CDH12: variants seen among roughly 807,000 people sequenced by gnomAD.
CDH12 encodes cadherin-12.
Under a neutral mutation model 74.1 loss-of-function variants are expected in CDH12, and 41 were observed. That is an observed-to-expected ratio of 0.55 (90% confidence interval 0.43 to 0.72). CDH12 has a LOEUF of 0.72. CDH12 is among the 30% of genes least tolerant of loss of function. The pLI is 0.00. For missense variants in CDH12, 945 were observed against 977.2 expected (o/e 0.97, Z 0.44); for synonymous variants, 399 against 355.0 (o/e 1.12, Z -1.39).
At chr5:21,845,138 A>G (rs889553986) in intron 7 of CDH12, among the ~76,000 whole-genome samples, 1 of 152,170 alleles carries the variant, frequency 6.6e-6, no homozygotes, top group Non-Finnish European at 1.5e-5. Flanking sequence ...TATAGGTGAC[A>G]GAAGGAATGT....
At chr5:22,708,445 T>C (rs961657521) in intron 1 of CDH12, among the ~76,000 whole-genome samples, 4 of 151,654 alleles carry the variant, frequency 2.6e-5, no homozygotes, top group African/African-American at 9.7e-5. Context: ...GGTCAGAGAG[T>C]TTGTCTTGCA....
At chr5:22,097,142 C>T (rs778791836) in intron 4 of CDH12, among the ~76,000 whole-genome samples, 1 of 152,170 alleles carries the variant, frequency 6.6e-6, no homozygotes, top group Non-Finnish European at 1.5e-5. Context: ...GGCCACCAGG[C>T]CAAAGAATGC....
chr5:22,841,588 C>G (rs531589510), intron 1 of CDH12, among the ~76,000 whole-genome samples: 1 of 151,870 alleles, frequency 6.6e-6, no homozygotes, highest in African/African-American at 2.4e-5. Flanking sequence ...TCTCTAAGGG[C>G]GTGGGTGTAG....
At position 22,218,234 on chromosome 5, in the gene CDH12, C is replaced by T. The variant is rs552009147; in HGVS notation, c.-332-5591G>A. ...TGCCTATCGTGTGATGCAGCCATCT[C>T]GCTCTGAAGTATTCACTCCAAAGAA... On this transcript the variant is annotated intron_variant, in intron 3 of 14. Coordinates refer to ENST00000382254, the MANE Select transcript of CDH12 (RefSeq NM_004061.5). 1.8e-4 allele frequency among the ~76,000 whole-genome samples: 27 copies of T among 151,710 alleles called. No individual in the cohort carries two copies. In the South Asian group the frequency reaches 4.6e-3, roughly 26 times the overall value.
intron 2 of CDH12, among the ~76,000 whole-genome samples, chr5:22,414,958 C>T (rs1392893004): frequency 6.6e-6 from 1 of 151,974 alleles, no homozygotes; most frequent in Non-Finnish European, 1.5e-5. Flanking sequence ...ACAAATATAT[C>T]CCTTTAGTAG....
intron 1 of CDH12, among the ~76,000 whole-genome samples, chr5:22,721,154 C>G (rs1017066772): frequency 2.6e-5 from 4 of 152,218 alleles, no homozygotes; most frequent in African/African-American, 9.6e-5. Context: ...ATGAGCCCGG[C>G]CCAGGGCCCC....
At chr5:22,125,342 T>C (rs1745789681) in intron 4 of CDH12, among the ~76,000 whole-genome samples, 1 of 152,160 alleles carries the variant, frequency 6.6e-6, no homozygotes, top group Non-Finnish European at 1.5e-5. Flanking sequence ...CTCCCACTTA[T>C]GAGTGAGAAC....
At chr5:22,756,235 T>C (rs1745903021) in intron 1 of CDH12, among the ~76,000 whole-genome samples, 1 of 151,932 alleles carries the variant, frequency 6.6e-6, no homozygotes, top group Admixed American at 6.6e-5. Flanking sequence ...AAACAAATAA[T>C]GAGTTACAAA....
intron 3 of CDH12, among the ~76,000 whole-genome samples, chr5:22,402,930 T>C (rs1010176531): frequency 2.0e-5 from 3 of 152,118 alleles, no homozygotes; most frequent in African/African-American, 7.2e-5. Flanking sequence ...CATTGGCAGC[T>C]TGGATTGAAA....
At chr5:22,038,931 T>C (rs757353232) in intron 5 of CDH12, among the ~76,000 whole-genome samples, 1 of 152,148 alleles carries the variant, frequency 6.6e-6, no homozygotes, top group African/African-American at 2.4e-5. Flanking sequence ...GGAGCTGCAC[T>C]GGCTTCCTAG....
intron 1 of CDH12, among the ~76,000 whole-genome samples, chr5:22,672,141 A>T (rs1194839729): frequency 7.5e-6 from 1 of 132,828 alleles, no homozygotes; most frequent in Non-Finnish European, 1.6e-5. Flanking sequence ...ATATAAATAT[A>T]TATTTATTAT....
Position 22,538,689 on chromosome 5 carries a change from T to C in CDH12, c.-522-33325A>G, listed in dbSNP as rs1241624183. ...AAATACCAGTATTTTTTATTTTTAA[T>C]ATTTTAATTCAACTTCAGACTGATT... On this transcript the variant is annotated intron_variant, in intron 1 of 14. Coordinates refer to ENST00000382254, the MANE Select transcript of CDH12 (RefSeq NM_004061.5). Among the ~76,000 whole-genome samples the C allele has an allele frequency of 3.3e-5, 5 of 152,348 alleles. No individual in the cohort carries two copies. The South Asian group carries it at 6.2e-4, about 19-fold the overall frequency.
intron 3 of CDH12, among the ~76,000 whole-genome samples, chr5:22,308,853 CAGAGAGAGAGAGAGAGGAGAGAG>C (rs1738245393): frequency 1.5e-5 from 2 of 135,842 alleles, no homozygotes; most frequent in East Asian, 2.1e-4. Context: ...CACATACACA[CAGAGAGAGAGAGAGAGGAGAGAG>C]AGAGAGAAAG....
intron 1 of CDH12, among the ~76,000 whole-genome samples, chr5:22,666,216 A>G (rs1740605328): frequency 6.6e-6 from 1 of 151,266 alleles, no homozygotes; most frequent in Non-Finnish European, 1.5e-5. Flanking sequence ...ACCTATGTCT[A>G]ATCTATTCTC....
At position 21,845,820 on chromosome 5, in the gene CDH12, TAGTAAG is replaced by T. The variant is rs146888307; in HGVS notation, c.647-3498_647-3493del. On this transcript the variant is annotated intron_variant, in intron 7 of 14. Transcript: ENST00000382254. ...GATAGAAAGAAATTACTTAGGCAGA[TAGTAAG>T]AGTAAAAGAGTCCTTGGTAAAATTT... Among the ~76,000 whole-genome samples the T allele has an allele frequency of 6.7e-3, 1,021 of 152,196 alleles. 10 individuals are homozygous for T. The highest frequency in any genetic ancestry group is 0.023 in the African/African-American group (963 of 41,540).
intron 5 of CDH12, among the ~76,000 whole-genome samples, chr5:22,043,465 T>C (rs1372862483): frequency 6.6e-6 from 1 of 152,052 alleles, no homozygotes; most frequent in Non-Finnish European, 1.5e-5. Flanking sequence ...CAAAAACATA[T>C]ATGACAAACC....
At chr5:22,204,223 C>T (rs1165990424) in intron 4 of CDH12, among the ~76,000 whole-genome samples, 1 of 148,426 alleles carries the variant, frequency 6.7e-6, no homozygotes, top group South Asian at 2.1e-4. Flanking sequence ...CCCAGGCTGG[C>T]GTGCAGTGGT....
At chr5:22,718,696 G>C (rs1743715937) in intron 1 of CDH12, among the ~76,000 whole-genome samples, 1 of 152,114 alleles carries the variant, frequency 6.6e-6, no homozygotes, top group South Asian at 2.1e-4. Context: ...GTATTGGTCT[G>C]AATCTCCAGG....
chr5:22,616,860 C>A (rs1737715364), intron 1 of CDH12, among the ~76,000 whole-genome samples: 2 of 151,736 alleles, frequency 1.3e-5, no homozygotes, highest in African/African-American at 4.8e-5. Context: ...GAATTTGTGC[C>A]AATTTTCACT....
Sources: gnomAD v4.1 joint callset for allele counts (sites outside exome capture counted in the v4.1 genomes callset) on GRCh38, gnomAD v4.1.1 for gene constraint, MANE v1.5 for transcripts, NCBI Gene and HGNC (gene_info 2026-07-23, HGNC 2026-07-21) for gene names.